Variants in PTPRO observed in about 807,000 individuals in gnomAD.
The protein encoded by PTPRO is protein tyrosine phosphatase receptor type O.
A neutral mutation model predicts 145.2 loss-of-function variants in PTPRO; 62 were observed. The ratio of observed to expected loss-of-function variants is 0.43; its 90% confidence interval spans 0.35 to 0.53. The LOEUF (loss-of-function observed/expected upper bound fraction) is 0.53, where lower values mean the gene tolerates loss of function less well. Among genes scored for constraint, PTPRO ranks in the 20% least tolerant of loss-of-function variants. The probability of loss-of-function intolerance (pLI) is 0.01; values close to 1 mark genes in which losing one functional copy is unlikely to be tolerated. For synonymous variants in PTPRO, 565 were observed against 514.7 expected, an observed-to-expected ratio of 1.10 and a Z score of -1.32; for missense variants, 1,345 against 1,482.7, an observed-to-expected ratio of 0.91 and a Z score of 1.53.
chr12:15,524,825 C>G lies in PTPRO; in HGVS notation c.1903C>G (p.Pro635Ala), dbSNP rs879285498. The G allele has an allele frequency of 3.1e-6, 5 of 1,613,244 alleles. No homozygotes were observed. Among genetic ancestry groups the G allele is most frequent in the African/African-American group, 1.3e-5 (1 of 74,890 alleles). ...TTTCTCCCTTGTAGCCCCAGTGGCTCCGGAAATCACTTCTGTGGAATATTT... is the reference window on the plus strand; with the variant it reads ...TTTCTCCCTTGTAGCCCCAGTGGCTGCGGAAATCACTTCTGTGGAATATTT... ...TISFITAPVA[P>A]EITSVEYFNS... Residue 635 changes from proline (P) to alanine (A), a missense_variant, in exon 11 of 27, where the codon CCG becomes GCG. Physicochemically the swap from Pro to Ala is conservative, Grantham distance 27 (BLOSUM62 -1). Around this residue, in one of 3 missense-constraint regions of PTPRO, gnomAD observed 1,130 missense variants for 1,214.7 expected, o/e 0.93. Transcript: ENST00000281171.
chr12:15,415,233 A>C lies in PTPRO; in HGVS notation c.76-68741A>C, dbSNP rs186288037. On this transcript the variant is annotated intron_variant, in intron 1 of 26. Coordinates refer to ENST00000281171, the MANE Select transcript of PTPRO (RefSeq NM_030667.3). The stretch of plus-strand genomic sequence containing the variant: ...TGGCCCGTCCAGCTACCTCCCCCCC[A>C]AAAAAAGAAGCCCTAAACAGCCTCT... Among the ~76,000 whole-genome samples the C allele has an allele frequency of 4.1e-3, 626 of 152,160 alleles. 6 individuals are homozygous for C. The highest frequency in any genetic ancestry group is 0.018 in the Admixed American group (279 of 15,286).
At chr12:15,467,211 C>T (rs1941435598) in intron 1 of PTPRO, among the ~76,000 whole-genome samples, 1 of 152,176 alleles carries the variant, frequency 6.6e-6, no homozygotes, top group Non-Finnish European at 1.5e-5. Flanking sequence ...CTGAGTCAAT[C>T]ACTTCCAAAT....
intron 6 of PTPRO, among the ~76,000 whole-genome samples, chr12:15,508,094 T>C (rs1220213497): frequency 6.6e-6 from 1 of 152,204 alleles, no homozygotes; most frequent in Non-Finnish European, 1.5e-5. Context: ...TCTTCTCTAA[T>C]ATAATCACAG....
chr12:15,392,590 G>A (rs180685134), intron 1 of PTPRO, among the ~76,000 whole-genome samples: 37 of 151,914 alleles, frequency 2.4e-4, no homozygotes, highest in African/African-American at 6.3e-4. Flanking sequence ...GCATAGTGGC[G>A]CACACCTGTA....
chr12:15,473,771 A>G (rs1315684892), intron 1 of PTPRO, among the ~76,000 whole-genome samples: 1 of 146,650 alleles, frequency 6.8e-6, no homozygotes, highest in Non-Finnish European at 1.5e-5. Flanking sequence ...TCCATCTCAA[A>G]AAAAAAAAAA....
chr12:15,357,754 G>T (rs1938042892), intron 1 of PTPRO, among the ~76,000 whole-genome samples: 1 of 150,788 alleles, frequency 6.6e-6, no homozygotes, highest in Non-Finnish European at 1.5e-5. Flanking sequence ...TGGAGAGGAT[G>T]TGGAGAAATA....
intron 1 of PTPRO, among the ~76,000 whole-genome samples, chr12:15,352,025 G>C (rs926227829): frequency 6.6e-5 from 10 of 152,174 alleles, no homozygotes; most frequent in African/African-American, 2.4e-4. Flanking sequence ...TCTCTGCTCT[G>C]TTGGGAAAGA....
intron 1 of PTPRO, among the ~76,000 whole-genome samples, chr12:15,376,328 T>G (rs1938685980): frequency 2.0e-5 from 3 of 152,124 alleles, no homozygotes; most frequent in Admixed American, 2.0e-4. Flanking sequence ...AACAATACTG[T>G]CAACCAAGAA....
In PTPRO at chr12:15,417,876, C is replaced by T. The variant is rs373552298; in HGVS notation, c.76-66098C>T. On this transcript the variant is annotated intron_variant, in intron 1 of 26. Transcript: ENST00000281171. ...AAATTAGAGCCTTTGTCATCTGAGT[C>T]TTTACAGATGATATCTCTCAACAGT... Among the ~76,000 whole-genome samples, 53 of 151,790 alleles carry T rather than the reference C, an allele frequency of 3.5e-4. 2 individuals are homozygous for T. The highest frequency in any genetic ancestry group is 1.3e-3 in the African/African-American group (53 of 41,076).
At chr12:15,567,632 C>T (rs1943934063) in intron 18 of PTPRO, among the ~76,000 whole-genome samples, 1 of 152,080 alleles carries the variant, frequency 6.6e-6, no homozygotes. Flanking sequence ...GTTGTTAAAT[C>T]CAACTTTAAG....
intron 1 of PTPRO, among the ~76,000 whole-genome samples, chr12:15,420,150 A>G (rs1940101779): frequency 2.3e-4 from 2 of 8,788 alleles, no homozygotes; most frequent in African/African-American, 3.4e-4. Context: ...CCGACTCAGA[A>G]AAAAAAAAAA....
rs369730637 is a variant in PTPRO at position 15,327,911 on chromosome 12, C to T, written c.75+5110C>T. Among the ~76,000 whole-genome samples, 11 of 152,060 alleles carry T rather than the reference C, an allele frequency of 7.2e-5. No homozygotes were observed. The South Asian group carries it at 1.2e-3, about 17-fold the overall frequency. ...GGTGGATCACCTGAGGTCAGGAATT[C>T]GATACCAGCCTGGCAAACATGGTGA... is the stretch of plus-strand genomic sequence containing the variant. On this transcript the variant is annotated intron_variant, in intron 1 of 26. Transcript: ENST00000281171.
Position 15,551,585 on chromosome 12 carries a change from C to T in PTPRO, c.2472C>T (p.Ser824=), listed in dbSNP as rs752317809. 8.1e-6 allele frequency: 13 copies of T among 1,613,486 alleles called. No individual in the cohort carries two copies. The East Asian group carries it at 1.1e-4, about 14-fold the overall frequency. Residue 824 remains serine, a synonymous_variant, in exon 15 of 27, where the codon TCC becomes TCT. Coordinates refer to ENST00000281171, the MANE Select transcript of PTPRO (RefSeq NM_030667.3). ...TGAATCCCAATGTGGTAGTGATCTC[C>T]GTGCTGGCCATCCTTAGCACACTTT... ...TEMNPNVVVI[S]VLAILSTLLI...
chr12:15,431,262 G>C (rs1457538), intron 1 of PTPRO, among the ~76,000 whole-genome samples: 109,424 of 152,144 alleles, frequency 0.72, 39,430 homozygotes, highest in East Asian at 0.77. Context: ...AAGAATGGAC[G>C]TAGGTTTGAG....
chr12:15,398,538 T>C (rs1243996907), intron 1 of PTPRO, among the ~76,000 whole-genome samples: 1 of 151,848 alleles, frequency 6.6e-6, no homozygotes, highest in African/African-American at 2.4e-5. Flanking sequence ...ATTTTTACTA[T>C]ATGAACAATA....
At chr12:15,523,309 G>C (rs1012184439) in intron 10 of PTPRO, among the ~76,000 whole-genome samples, 4 of 152,172 alleles carry the variant, frequency 2.6e-5, no homozygotes, top group African/African-American at 9.7e-5. Flanking sequence ...AACACCGACT[G>C]TCTTCAAACC....
intron 1 of PTPRO, among the ~76,000 whole-genome samples, chr12:15,387,007 G>C (rs1044544338): frequency 6.6e-6 from 1 of 152,164 alleles, no homozygotes; most frequent in Non-Finnish European, 1.5e-5. Flanking sequence ...TTGGAGACTG[G>C]CTTAAGTATC....
chr12:15,532,362 G>A (rs557981801), intron 12 of PTPRO, among the ~76,000 whole-genome samples: 95 of 151,992 alleles, frequency 6.3e-4, no homozygotes, highest in African/African-American at 2.3e-3. Context: ...ATATTATGTA[G>A]CAAAGTACTT....
At chr12:15,518,677 T>C (rs758241391) in intron 9 of PTPRO, among the ~76,000 whole-genome samples, 2 of 152,134 alleles carry the variant, frequency 1.3e-5, no homozygotes, top group Non-Finnish European at 2.9e-5. Flanking sequence ...CCCTAAATCA[T>C]CTCTCTTAAG....
Sources: gnomAD v4.1 joint callset for allele counts (sites outside exome capture counted in the v4.1 genomes callset) on GRCh38, gnomAD v4.1.1 for gene constraint, gnomAD v4.1.1 regional missense constraint, MANE v1.5 for transcripts, NCBI Gene and HGNC (gene_info 2026-07-23, HGNC 2026-07-21) for gene names.